The following PSME4 variants were observed in gnomAD, a reference collection of about 807,000 sequenced individuals.
PSME4 encodes proteasome activator subunit 4, also known as proteasome activator complex subunit 4.
In PSME4, 89 loss-of-function variants were observed where a neutral mutation model predicts 253.9. The ratio of observed to expected loss-of-function variants is 0.35; its 90% confidence interval spans 0.30 to 0.42. PSME4 has a LOEUF of 0.42. Ranked by LOEUF, PSME4 falls within the 10% of genes least tolerant of loss-of-function variation. The probability of loss-of-function intolerance (pLI) is 1.00; values close to 1 mark genes in which losing one functional copy is unlikely to be tolerated. For missense variants in PSME4, 2,014 were observed against 2,195.2 expected, an observed-to-expected ratio of 0.92 and a Z score of 1.65; for synonymous variants, 851 against 759.2, an observed-to-expected ratio of 1.12 and a Z score of -1.99.
intron 20 of PSME4, among the ~76,000 whole-genome samples, chr2:53,912,328 G>A (rs1667862212): frequency 6.6e-6 from 1 of 152,074 alleles, no homozygotes; most frequent in Non-Finnish European, 1.5e-5. Context: ...CTATATATAG[G>A]ACATATCTGG....
At chr2:53,904,416 T>C (rs1262730952) in intron 26 of PSME4, among the ~76,000 whole-genome samples, 1 of 152,198 alleles carries the variant, frequency 6.6e-6, no homozygotes, top group African/African-American at 2.4e-5. Flanking sequence ...GAATGGAACC[T>C]ATATGCATTT....
intron 1 of PSME4, among the ~76,000 whole-genome samples, chr2:53,962,576 C>T (rs1450551942): frequency 6.6e-6 from 1 of 152,110 alleles, no homozygotes; most frequent in Non-Finnish European, 1.5e-5. Flanking sequence ...TTTCTTAGTG[C>T]CTCAAAGTAA....
intron 20 of PSME4, among the ~76,000 whole-genome samples, chr2:53,912,979 A>AGAAGCTATGTTAACAATATGT (rs2104445005): frequency 1.3e-5 from 2 of 152,318 alleles, no homozygotes; most frequent in African/African-American, 4.8e-5. Context: ...ATTCTGACTA[A>AGAAGCTATGTTAACAATATGT]AAGCTATGTT....
chr2:53,878,297 C>T (rs1679225391), intron 41 of PSME4, among the ~76,000 whole-genome samples: 1 of 152,222 alleles, frequency 6.6e-6, no homozygotes. Context: ...CTTGTGATTT[C>T]CTATGCCTGT....
Position 53,931,924 on chromosome 2 carries a change from A to G in PSME4, c.1227T>C (p.Phe409=). The change falls in exon 10 of 47, where the codon TTT becomes TTC. Residue 409 remains phenylalanine, a synonymous_variant. Transcript: ENST00000404125. ...CIIQPVLLAM[F]SKTGSLEAAQ... is the part of the protein sequence containing the mutation. ...CTGCTTCTAGACTACCGGTTTTGCT[A>G]AACATAGCCAAGAGGACAGGCTGAA... The G allele has an allele frequency of 1.9e-6, 3 of 1,614,138 alleles. No homozygotes were observed. The highest frequency in any genetic ancestry group is 2.5e-6 in the Non-Finnish European group (3 of 1,179,966).
chr2:53,948,398 G>T lies in PSME4; in HGVS notation c.500+23C>A, dbSNP rs1288886448. On this transcript the variant is annotated intron_variant, in intron 3 of 46. Coordinates refer to ENST00000404125, the MANE Select transcript of PSME4 (RefSeq NM_014614.3). ...AAAAACCCCAAGTACTCCCAAATAA[G>T]TGCTTTAAATGGAAATACTTACTTA... 3.4e-6 allele frequency: 5 copies of T among 1,482,124 alleles called. No homozygotes were observed. The African/African-American group carries it at 5.6e-5, about 16-fold the overall frequency. The allele number at this position is 1,482,124 out of a possible 1,614,324, so 91.8% of individuals were successfully genotyped here. A position where few individuals can be genotyped will look rare whatever the true frequency, so the allele number is the denominator to read the frequency against.
intron 1 of PSME4, among the ~76,000 whole-genome samples, chr2:53,965,086 AAC>A (rs200298753): frequency 3.3e-5 from 5 of 151,420 alleles, no homozygotes; most frequent in African/African-American, 4.8e-5. Flanking sequence ...ATTCTGTTTA[AAC>A]ACACACACAC....
chr2:53,949,464 T>A (rs1165067868), intron 1 of PSME4, among the ~76,000 whole-genome samples, 181 bp from the exon 2 acceptor site: 1 of 147,434 alleles, frequency 6.8e-6, no homozygotes, highest in South Asian at 2.2e-4. Flanking sequence ...TTTTTTTTTT[T>A]AACATTTCAT....
intron 1 of PSME4, among the ~76,000 whole-genome samples, chr2:53,969,066 C>A (rs1383664025): frequency 1.3e-5 from 2 of 152,204 alleles, no homozygotes; most frequent in African/African-American, 4.8e-5. Flanking sequence ...AACAAAGTGA[C>A]TATTTTTACT....
intron 1 of PSME4, among the ~76,000 whole-genome samples, chr2:53,952,165 G>A (rs952579635): frequency 1.3e-5 from 2 of 152,160 alleles, no homozygotes; most frequent in African/African-American, 4.8e-5. Context: ...GCCAGGCGTG[G>A]TGGCTCATGC....
chr2:53,957,214 C>A (rs892260281), intron 1 of PSME4, among the ~76,000 whole-genome samples: 2 of 152,106 alleles, frequency 1.3e-5, no homozygotes, highest in Admixed American at 1.3e-4. Flanking sequence ...ACAGAAAGGA[C>A]CGGTTTTGTG....
At chr2:53,866,050 C>G (rs1227961987) in intron 46 of PSME4, 35 bp downstream of exon 46, 2 of 1,562,440 alleles carry the variant, frequency 1.3e-6, no homozygotes, top group East Asian at 4.6e-5. Context: ...TCTCAGTCAC[C>G]AAACCAATGT....
chr2:53,884,959 A>AT (rs1017933931), intron 41 of PSME4, among the ~76,000 whole-genome samples: 1 of 152,198 alleles, frequency 6.6e-6, no homozygotes, highest in African/African-American at 2.4e-5. Context: ...TTAGCATGCC[A>AT]TTTGTTAACA....
chr2:53,958,922 T>C (rs2909458), intron 1 of PSME4, among the ~76,000 whole-genome samples: 77 of 152,038 alleles, frequency 5.1e-4, no homozygotes, highest in Non-Finnish European at 1.0e-3. Flanking sequence ...AAAAAATTAA[T>C]TGAAAATTTC....
At chr2:53,869,563 G>C in intron 43 of PSME4, 25 bp from the exon 44 acceptor site, 3 of 1,456,842 alleles carry the variant, frequency 2.1e-6, no homozygotes, top group Non-Finnish European at 2.8e-6. Context: ...ATTTCTATTA[G>C]GACTGACATT....
rs748079182 is a variant in PSME4, at chr2:53,899,960, T to C, written c.3343A>G (p.Ile1115Val). 2 of 1,613,336 alleles carry C rather than the reference T, an allele frequency of 1.2e-6. No homozygotes were observed. Among genetic ancestry groups the C allele is most frequent in the African/African-American group, 2.7e-5 (2 of 74,904 alleles). The stretch of plus-strand genomic sequence containing the variant: ...TCTGGGCTAAGCAATATCTGGTTGA[T>C]AGAGGGGTTTTTTGACTGTTGAAGT... ...ELLQQSKNPS[I>V]NQILLSPEKI... is the part of the protein sequence containing the mutation. The change falls in exon 29 of 47, where the codon ATC (isoleucine) becomes GTC (valine). Residue 1115 changes from isoleucine (I) to valine (V), a missense_variant. This residue lies in a region of PSME4 where 989 missense variants were observed against 1,021.1 expected (regional missense o/e 0.97). Coordinates refer to ENST00000404125, the MANE Select transcript of PSME4 (RefSeq NM_014614.3).
chr2:53,929,271 G>A (rs1183806694), intron 10 of PSME4, among the ~76,000 whole-genome samples: 1 of 152,018 alleles, frequency 6.6e-6, no homozygotes, highest in Non-Finnish European at 1.5e-5. Flanking sequence ...ACAAGTTACA[G>A]ATACTCTACT....
At position 53,896,880 on chromosome 2, in the gene PSME4, AG is replaced by A; in HGVS notation, c.3611del (p.Ala1204ValfsTer12). 1 of 1,610,046 alleles carries A rather than the reference AG, an allele frequency of 6.2e-7. No homozygotes were observed. Among genetic ancestry groups the A allele is most frequent in the Non-Finnish European group, 8.5e-7 (1 of 1,176,366 alleles). Reference protein sequence around the residue: ...NHDAIVVRKMAISAVAGILKQ... With the variant: ...NHDAIVVRKMXISAVAGILKQ... ...TAAGGATACCAGCAACAGCTGAGAT[AG>A]CCATCTAGAAAAGGAAAAAGGTACA... On this transcript the variant is annotated frameshift_variant, in exon 32 of 47. Transcript: ENST00000404125. LOFTEE classifies it high-confidence loss of function.
rs148430855 is a variant in PSME4, at chr2:53,957,005, A to C, written c.243-7722T>G. Reference sequence around the variant, plus strand: ...ACCATTGAGTTCATGAAAAATATCAAAACAAAACAAAACCTCACAGGCCAC... The same window carrying C: ...ACCATTGAGTTCATGAAAAATATCACAACAAAACAAAACCTCACAGGCCAC... On this transcript the variant is annotated intron_variant, in intron 1 of 46. Transcript: ENST00000404125. Among the ~76,000 whole-genome samples, 9 of 152,332 alleles carry C rather than the reference A, an allele frequency of 5.9e-5. 1 individual carries two copies. The East Asian group carries it at 1.7e-3, about 29-fold the overall frequency.
Sources: allele counts gnomAD v4.1 joint callset (sites outside exome capture counted in the v4.1 genomes callset), GRCh38; gene constraint gnomAD v4.1.1; regional missense constraint gnomAD v4.1.1; transcripts MANE v1.5; gene names NCBI Gene and HGNC (gene_info 2026-07-23, HGNC 2026-07-21).